MZF1: variants seen among roughly 807,000 people sequenced by gnomAD.
The protein encoded by MZF1 is zinc finger and SCAN domain-containing protein 6.
A neutral mutation model predicts 28.6 loss-of-function variants in MZF1; 24 were observed. The observed-to-expected ratio is 0.84, with a 90% CI of 0.61 to 1.18. The LOEUF is 1.18. Among genes scored for constraint, MZF1 ranks in the 50% most tolerant of loss-of-function variants. MZF1 has a pLI of 0.00. For missense variants in MZF1, 1,166 were observed against 1,026.4 expected (o/e 1.14, Z -1.86); for synonymous variants, 516 against 432.5 (o/e 1.19, Z -2.40).
At position 58,562,839 on chromosome 19, in the gene MZF1, C is replaced by G. The variant is rs754410617; in HGVS notation, c.1438G>C (p.Glu480Gln). 7.4e-5 allele frequency: 113 copies of G among 1,536,640 alleles called. No individual in the cohort carries two copies. The highest frequency in any genetic ancestry group is 9.3e-5 in the Non-Finnish European group (107 of 1,147,852). The change falls in exon 6 of 6, where the codon GAG becomes CAG. Residue 480 changes from glutamate (E) to glutamine (Q), a missense_variant. Coordinates refer to ENST00000215057, the MANE Select transcript of MZF1 (RefSeq NM_198055.2). ...CTGCACGGAAAGGGGCCGGGAGGCT[C>G]GGGCGCACCAGGAGGGGCCGGGGGC... ...AKPPAPPGAP[E>Q]PPGPFPCSEC...
At position 58,569,369 on chromosome 19, in the gene MZF1, A is replaced by G; in HGVS notation, c.680T>C (p.Phe227Ser). ...CTCAGGCCCAGTCTTGCTGTGGGGA[A>G]AGATCTGGTCCAGCACGGTCCCACA... ...QRCGTVLDQI[F>S]PHSKTGPEGP... is the part of the protein sequence containing the mutation. Residue 227 changes from phenylalanine to serine, a missense_variant, in exon 5 of 6, where the codon TTT (phenylalanine) becomes TCT (serine). Coordinates refer to ENST00000215057, the MANE Select transcript of MZF1 (RefSeq NM_198055.2). The G allele has an allele frequency of 6.2e-7, 1 of 1,613,964 alleles. No individual in the cohort carries two copies. Among genetic ancestry groups the G allele is most frequent in the Non-Finnish European group, 8.5e-7 (1 of 1,179,926 alleles).
chr19:58,563,042 A>G lies in MZF1; in HGVS notation c.1235T>C (p.Phe412Ser), dbSNP rs1161389310. The change falls in exon 6 of 6, where the codon TTC becomes TCC. Residue 412 changes from phenylalanine (F) to serine (S), a missense_variant. Phe to Ser is a radical substitution (Grantham distance 155). Coordinates refer to ENST00000215057, the MANE Select transcript of MZF1 (RefSeq NM_198055.2). The part of the protein sequence containing the change: ...HQLTHTEERP[F>S]VCGDCGQGFV... ...GCCCTGGCCACAGTCGCCGCACACG[A>G]ACGGCCGCTCCTCGGTGTGCGTAAG... 1.9e-6 allele frequency: 3 copies of G among 1,602,248 alleles called. No individual in the cohort carries two copies. The highest frequency in any genetic ancestry group is 2.5e-6 in the Non-Finnish European group (3 of 1,179,580).
Position 58,571,073 on chromosome 19 carries a change from C to G in MZF1, c.317G>C (p.Gly106Ala). The change falls in exon 2 of 6, where the codon GGG becomes GCG. Residue 106 changes from glycine (G) to alanine (A), a missense_variant. Transcript: ENST00000215057. Reference sequence around the variant, plus strand: ...CTCCTCGGGGCTGCCTGGCCGCTGCCCCTGCACACGGGCCTGGATCTCAGG... The same window carrying G: ...CTCCTCGGGGCTGCCTGGCCGCTGCGCCTGCACACGGGCCTGGATCTCAGG... ...LPPEIQARVQ[G>A]QRPGSPEEAA... The G allele has an allele frequency of 6.2e-7, 1 of 1,613,650 alleles. No homozygotes were observed. The highest frequency in any genetic ancestry group is 8.5e-7 in the Non-Finnish European group (1 of 1,179,940).
chr19:58,573,189 C>T lies in MZF1; in HGVS notation c.-175G>A, dbSNP rs1333503196. ...CCTTGCCCTTCCCCCACCCTCGTCC[C>T]CGTTTCTACACCCTCTCCTCCCTTC... On this transcript the variant is annotated 5_prime_UTR_variant, in exon 1 of 6. Transcript: ENST00000215057. The T allele has an allele frequency of 6.5e-6, 1 of 154,006 alleles. No homozygotes were observed. The highest frequency in any genetic ancestry group is 1.5e-5 in the Non-Finnish European group (1 of 68,616). 9.5% of individuals were successfully genotyped at this position (154,006 alleles called of 1,614,324 possible).
intron 4 of MZF1, 44 bp from the exon 5 acceptor site, chr19:58,569,441 C>A (rs751260762): frequency 6.2e-7 from 1 of 1,613,918 alleles, no homozygotes; most frequent in Non-Finnish European, 8.5e-7. Flanking sequence ...TGGCTGGGCT[C>A]AGGGAGGGAC....
At chr19:58,572,395 G>A (rs1398923863) in intron 1 of MZF1, among the ~76,000 whole-genome samples, 2 of 152,102 alleles carry the variant, frequency 1.3e-5, no homozygotes, top group Non-Finnish European at 2.9e-5. Flanking sequence ...GGGTTGGAAG[G>A]GGATGGGGGA....
At position 58,562,715 on chromosome 19, in the gene MZF1, C is replaced by T; in HGVS notation, c.1562G>A (p.Arg521His). ...CAGCAGCACTGAGCGGCGGCCGAAGCGCTCGCCGCACTCGACGCAGCCAAA... is the reference window on the plus strand; with the variant it reads ...CAGCAGCACTGAGCGGCGGCCGAAGTGCTCGCCGCACTCGACGCAGCCAAA... ...KSFGCVECGE[R>H]FGRRSVLLQH... The change falls in exon 6 of 6, where the codon CGC becomes CAC. Residue 521 changes from arginine to histidine, a missense_variant. Transcript: ENST00000215057. 6.5e-7 allele frequency: 1 copy of T among 1,535,912 alleles called. No individual in the cohort carries two copies. The highest frequency in any genetic ancestry group is 8.7e-7 in the Non-Finnish European group (1 of 1,147,322).
Position 58,563,197 on chromosome 19 carries a change from T to A in MZF1, c.1080A>T (p.Val360=). 6.2e-7 allele frequency: 1 copy of A among 1,611,388 alleles called. No individual in the cohort carries two copies. ...GGVVRGGRCD[V]CGKVFSQRSN... ...TGCGTTGGCTGAACACCTTGCCACA[T>A]ACATCGCAACGGCCGCCCCTAACCA... The change falls in exon 6 of 6, where the codon GTA becomes GTT. Residue 360 remains valine (V), a synonymous_variant. Transcript: ENST00000215057.
chr19:58,567,894 C>G (rs2054087637), intron 5 of MZF1, among the ~76,000 whole-genome samples: 1 of 151,948 alleles, frequency 6.6e-6, no homozygotes, highest in Non-Finnish European at 1.5e-5. Context: ...CAGGAGACAG[C>G]TAAAAAGATG....
At position 58,562,606 on chromosome 19, in the gene MZF1, C is replaced by T. The variant is rs751133949; in HGVS notation, c.1671G>A (p.Thr557=). Residue 557 remains threonine, a synonymous_variant, in exon 6 of 6, where the codon ACG becomes ACA. Transcript: ENST00000215057. The part of the protein sequence containing the change: ...GQSFRQRSNL[T]QHRRIHTGER... ...CCCCGGTGTGGATGCGCCGGTGCTGCGTCAGGTTGGAGCGCTGCCGGAAGC... is the reference window on the plus strand; with the variant it reads ...CCCCGGTGTGGATGCGCCGGTGCTGTGTCAGGTTGGAGCGCTGCCGGAAGC... The T allele has an allele frequency of 1.3e-5, 21 of 1,573,024 alleles. No homozygotes were observed. Among genetic ancestry groups the T allele is most frequent in the Non-Finnish European group, 1.8e-5 (21 of 1,164,998 alleles).
chr19:58,563,261 CT>C lies in MZF1; in HGVS notation c.1015del (p.Arg339GlyfsTer34). The C allele has an allele frequency of 6.2e-7, 1 of 1,607,448 alleles. No individual in the cohort carries two copies. The highest frequency in any genetic ancestry group is 8.5e-7 in the Non-Finnish European group (1 of 1,177,424). On this transcript the variant is annotated frameshift_variant, in exon 6 of 6. Coordinates refer to ENST00000215057, the MANE Select transcript of MZF1 (RefSeq NM_198055.2). LOFTEE classifies it low-confidence loss of function (END_TRUNC). ...ALITTRWRSP[R>X]GRSRGRPSTG... ...GCTGGGGCGGCCCCGGCTCCGGCCC[CT>C]GGGGGAGCGCCAGCGGGTGGTGATC... is the stretch of plus-strand genomic sequence containing the variant.
At chr19:58,570,695 G>A in intron 2 of MZF1, 168 bp from the exon 3 acceptor site, 1 of 751,792 alleles carries the variant, frequency 1.3e-6, no homozygotes, top group Non-Finnish European at 2.1e-6. Context: ...AGCAAAGAAT[G>A]AAGGGACCAC....
At chr19:58,571,814 G>A (rs2054169700) in intron 1 of MZF1, 2 of 179,954 alleles carry the variant, frequency 1.1e-5, no homozygotes, top group Non-Finnish European at 2.4e-5. Context: ...TGAGACAACA[G>A]GTGTGTGCCA....
Position 58,563,174 on chromosome 19 carries a change from C to T in MZF1, c.1103G>A (p.Arg368His), listed in dbSNP as rs2122681571. ...CTTCTGGTGCCTCAGCAGGTTGCTG[C>T]GTTGGCTGAACACCTTGCCACATAC... ...CDVCGKVFSQ[R>H]SNLLRHQKIH... The change falls in exon 6 of 6, where the codon CGC becomes CAC. Residue 368 changes from arginine to histidine, a missense_variant. Physicochemically the swap from Arg to His is conservative, Grantham distance 29. Coordinates refer to ENST00000215057, the MANE Select transcript of MZF1 (RefSeq NM_198055.2). The T allele has an allele frequency of 6.2e-7, 1 of 1,610,392 alleles. No homozygotes were observed.
chr19:58,567,497 A>T (rs995345323), intron 5 of MZF1, among the ~76,000 whole-genome samples: 1 of 152,226 alleles, frequency 6.6e-6, no homozygotes, highest in African/African-American at 2.4e-5. Flanking sequence ...TGAGATGTTA[A>T]TCTCTTTCCC....
Position 58,563,198 on chromosome 19 carries a change from A to G in MZF1, c.1079T>C (p.Val360Ala). 1.2e-6 allele frequency: 2 copies of G among 1,611,398 alleles called. No individual in the cohort carries two copies. The highest frequency in any genetic ancestry group is 1.3e-5 in the African/African-American group (1 of 75,004). Reference protein sequence around the residue: ...GGVVRGGRCDVCGKVFSQRSN... With the variant: ...GGVVRGGRCDACGKVFSQRSN... ...GCGTTGGCTGAACACCTTGCCACAT[A>G]CATCGCAACGGCCGCCCCTAACCAC... Residue 360 changes from valine (V) to alanine (A), a missense_variant, in exon 6 of 6, where the codon GTA (valine) becomes GCA (alanine). Coordinates refer to ENST00000215057, the MANE Select transcript of MZF1 (RefSeq NM_198055.2).
intron 3 of MZF1, chr19:58,569,828 G>T (rs1039007029): frequency 2.0e-6 from 1 of 502,754 alleles, no homozygotes; most frequent in Non-Finnish European, 3.6e-6. Flanking sequence ...CCCTGTAGCC[G>T]TATGTGAACC....
rs758378675 is a variant in MZF1, at chr19:58,562,176, G to A, written c.2101C>T (p.Arg701Cys). The change falls in exon 6 of 6, where the codon CGC becomes TGC. Residue 701 changes from arginine (R) to cysteine (C), a missense_variant. Coordinates refer to ENST00000215057, the MANE Select transcript of MZF1 (RefSeq NM_198055.2). ...RQRPTLTQHL[R>C]THRREKPFAC... The stretch of plus-strand genomic sequence containing the variant: ...AAGGGCTTCTCTCGTCGGTGGGTGC[G>A]CAGATGCTGCGTGAGCGTGGGCCGC... The A allele has an allele frequency of 5.2e-5, 84 of 1,602,052 alleles. No individual in the cohort carries two copies. Among genetic ancestry groups the A allele is most frequent in the Non-Finnish European group, 5.4e-5 (64 of 1,176,744 alleles).
rs2054181921 is a variant in MZF1, at chr19:58,572,415, T to C, written c.-41+640A>G. 7.4e-6 allele frequency: 4 copies of C among 537,902 alleles called. No homozygotes were observed. The Admixed American group carries it at 1.2e-4, about 17-fold the overall frequency. The allele number at this position is 537,902 out of a possible 1,614,324, so 33.3% of individuals were successfully genotyped here. A position where few individuals can be genotyped will look rare whatever the true frequency, so the allele number is the denominator to read the frequency against. ...GGAAGGGGATGGGGGAGCTTCGCAA[T>C]GGGTGGGGGGGCGGCAAAGGCTCCA... On this transcript the variant is annotated intron_variant, in intron 1 of 5. Transcript: ENST00000215057.
Sources: gnomAD v4.1 joint callset for allele counts (sites outside exome capture counted in the v4.1 genomes callset) on GRCh38, gnomAD v4.1.1 for gene constraint, MANE v1.5 for transcripts, NCBI Gene and HGNC (gene_info 2026-07-23, HGNC 2026-07-21) for gene names.